The following FDX1 variants were observed in gnomAD, a reference collection of about 807,000 sequenced individuals.
The protein encoded by FDX1 is ferredoxin 1, also known as adrenodoxin, mitochondrial.
Under a neutral mutation model 14.9 loss-of-function variants are expected in FDX1, and 9 were observed. That is an observed-to-expected ratio of 0.60 (90% confidence interval 0.36 to 1.05). The LOEUF is 1.05. Among genes scored for constraint, FDX1 ranks in the 50% least tolerant of loss-of-function variants. The pLI is 0.01. For synonymous variants in FDX1, 92 were observed against 99.4 expected, an observed-to-expected ratio of 0.93 and a Z score of 0.44; for missense variants, 204 against 237.2, an observed-to-expected ratio of 0.86 and a Z score of 0.92.
At chr11:110,442,449 C>T (rs1459444710) in intron 2 of FDX1, among the ~76,000 whole-genome samples, 1 of 152,226 alleles carries the variant, frequency 6.6e-6, no homozygotes, top group Non-Finnish European at 1.5e-5. Flanking sequence ...GAACCCAGCT[C>T]TTGCATCAGT....
At chr11:110,450,382 T>G (rs958802058) in intron 2 of FDX1, among the ~76,000 whole-genome samples, 1 of 151,968 alleles carries the variant, frequency 6.6e-6, no homozygotes, top group African/African-American at 2.4e-5. Context: ...CAGTTCACAG[T>G]AGGGTTCTCA....
At chr11:110,433,599 C>T (rs1407167093) in intron 1 of FDX1, among the ~76,000 whole-genome samples, 1 of 152,192 alleles carries the variant, frequency 6.6e-6, no homozygotes, top group East Asian at 1.9e-4. Flanking sequence ...TTTTCATTCT[C>T]AGCCATTGTA....
chr11:110,444,750 ATATATAT>A (rs1565382134), intron 2 of FDX1, among the ~76,000 whole-genome samples: 1 of 117,218 alleles, frequency 8.5e-6, no homozygotes, highest in East Asian at 2.5e-4. Flanking sequence ...ATATACACGT[ATATATAT>A]ATATATATAT....
intron 2 of FDX1, among the ~76,000 whole-genome samples, chr11:110,436,188 A>C (rs1268252905): frequency 6.6e-6 from 1 of 152,146 alleles, no homozygotes; most frequent in African/African-American, 2.4e-5. Context: ...CTGTGGCCTC[A>C]TTACCTTACT....
chr11:110,447,273 CAA>C (rs541827807), intron 2 of FDX1, among the ~76,000 whole-genome samples: 6,862 of 73,270 alleles, frequency 0.094, 81 homozygotes, highest in East Asian at 0.12. Flanking sequence ...ACTAAAAATA[CAA>C]AAAAAAAAAA....
At chr11:110,461,399 G>T (rs1946555259) in intron 3 of FDX1, among the ~76,000 whole-genome samples, 1 of 151,364 alleles carries the variant, frequency 6.6e-6, no homozygotes, top group Admixed American at 6.6e-5. Flanking sequence ...AGGAGGCTGA[G>T]GTGGGAGGAT....
At chr11:110,444,935 C>T (rs975620976) in intron 2 of FDX1, among the ~76,000 whole-genome samples, 3 of 151,366 alleles carry the variant, frequency 2.0e-5, no homozygotes, top group Non-Finnish European at 4.4e-5. Context: ...AAGCTAAGAA[C>T]CTTCCTGGGC....
intron 3 of FDX1, among the ~76,000 whole-genome samples, chr11:110,458,458 G>A (rs1288110139): frequency 6.6e-6 from 1 of 152,130 alleles, no homozygotes; most frequent in Non-Finnish European, 1.5e-5. Context: ...GGAATGGAAA[G>A]AATTTTGCTC....
chr11:110,432,876 C>T (rs1321180855), intron 1 of FDX1, among the ~76,000 whole-genome samples: 3 of 152,314 alleles, frequency 2.0e-5, no homozygotes, highest in Admixed American at 6.5e-5. Flanking sequence ...CCTGTTAATA[C>T]TCTTACTTGG....
chr11:110,440,746 C>T (rs1946399782), intron 2 of FDX1, among the ~76,000 whole-genome samples: 1 of 152,196 alleles, frequency 6.6e-6, no homozygotes, highest in African/African-American at 2.4e-5. Context: ...GCTAAACAAT[C>T]AGCCTGACGT....
upstream of FDX1, among the ~76,000 whole-genome samples, chr11:110,429,414 T>A (rs142422415): frequency 6.6e-6 from 1 of 152,316 alleles, no homozygotes; most frequent in East Asian, 1.9e-4. Context: ...TCTCAGCTCA[T>A]CACAAAGTTT....
At chr11:110,458,876 A>T (rs939468223) in intron 3 of FDX1, among the ~76,000 whole-genome samples, 1 of 152,130 alleles carries the variant, frequency 6.6e-6, no homozygotes, top group African/African-American at 2.4e-5. Context: ...AAGTGCTGGG[A>T]TTACAGGCGT....
chr11:110,432,924 A>G (rs1480366279), intron 1 of FDX1, among the ~76,000 whole-genome samples: 1 of 152,250 alleles, frequency 6.6e-6, no homozygotes, highest in Non-Finnish European at 1.5e-5. Context: ...AATACAGACC[A>G]ACAGGTTGGG....
At chr11:110,436,903 A>G in intron 2 of FDX1, among the ~76,000 whole-genome samples, 1 of 152,006 alleles carries the variant, frequency 6.6e-6, no homozygotes, top group Non-Finnish European at 1.5e-5. Context: ...TTAGATTATT[A>G]GTTTTTGAAA....
At chr11:110,440,684 C>T (rs1239657594) in intron 2 of FDX1, among the ~76,000 whole-genome samples, 1 of 152,008 alleles carries the variant, frequency 6.6e-6, no homozygotes, top group African/African-American at 2.4e-5. Flanking sequence ...GAAATATGTC[C>T]CAAATCAATA....
chr11:110,446,444 A>C (rs968991300), intron 2 of FDX1, among the ~76,000 whole-genome samples: 3 of 151,946 alleles, frequency 2.0e-5, no homozygotes, highest in Non-Finnish European at 2.9e-5. Flanking sequence ...ATATTGATAA[A>C]CTCTTAAATT....
At chr11:110,432,049 TG>T (rs1486389064) in intron 1 of FDX1, among the ~76,000 whole-genome samples, 1 of 152,254 alleles carries the variant, frequency 6.6e-6, no homozygotes, top group Non-Finnish European at 1.5e-5. Flanking sequence ...ATGTGGCTAG[TG>T]GCTACTGTAT....
intron 2 of FDX1, among the ~76,000 whole-genome samples, chr11:110,441,543 G>T (rs1483150604): frequency 6.6e-6 from 1 of 152,196 alleles, no homozygotes; most frequent in Non-Finnish European, 1.5e-5. Flanking sequence ...AGCGCATTTT[G>T]CCCCTGCCCT....
Position 110,430,137 on chromosome 11 carries a change from G to C in FDX1, c.17G>C (p.Gly6Ala). The change falls in exon 1 of 4, where the codon GGC becomes GCC. Residue 6 changes from glycine to alanine, a missense_variant. Physicochemically the swap from Gly to Ala is moderately conservative, Grantham distance 60. Coordinates refer to ENST00000260270, the MANE Select transcript of FDX1 (RefSeq NM_004109.5). MAAAG[G>A]ARLLRAASAV... is the part of the protein sequence containing the mutation. ...CCGCGGGCGATGGCTGCCGCTGGGGGCGCCCGGCTGCTGCGCGCCGCTTCT... is the reference window on the plus strand; with the variant it reads ...CCGCGGGCGATGGCTGCCGCTGGGGCCGCCCGGCTGCTGCGCGCCGCTTCT... The C allele has an allele frequency of 8.1e-7, 1 of 1,240,310 alleles. No homozygotes were observed. The highest frequency in any genetic ancestry group is 1.0e-6 in the Non-Finnish European group (1 of 995,182). The allele number at this position is 1,240,310 out of a possible 1,614,324, so 76.8% of individuals were successfully genotyped here.
Sources: allele counts gnomAD v4.1 joint callset (sites outside exome capture counted in the v4.1 genomes callset), GRCh38; gene constraint gnomAD v4.1.1; transcripts MANE v1.5; gene names NCBI Gene and HGNC (gene_info 2026-07-23, HGNC 2026-07-21).